The following AUTS2 variants were observed in gnomAD, a reference collection of about 807,000 sequenced individuals.
AUTS2 encodes activator of transcription and developmental regulator AUTS2, also known as autism susceptibility gene 2 protein.
A neutral mutation model predicts 112.4 loss-of-function variants in AUTS2; 17 were observed. That is an observed-to-expected ratio of 0.15 (90% CI 0.10 to 0.23). The LOEUF is 0.23. AUTS2 is among the 10% of genes least tolerant of loss of function. AUTS2 has a pLI of 1.00. For missense variants in AUTS2, 1,510 were observed against 1,701.6 expected (o/e 0.89, Z 1.98); for synonymous variants, 751 against 702.7 (o/e 1.07, Z -1.09).
chr7:70,555,749 CA>C lies in AUTS2; in HGVS notation c.690+119970del, dbSNP rs529123165. Among the ~76,000 whole-genome samples, 270 of 151,458 alleles carry C rather than the reference CA, an allele frequency of 1.8e-3. 1 individual carries two copies. The highest frequency in any genetic ancestry group is 3.0e-3 in the Non-Finnish European group (204 of 67,948). On this transcript the variant is annotated intron_variant, in intron 5 of 18. Coordinates refer to ENST00000342771, the MANE Select transcript of AUTS2 (RefSeq NM_015570.4). The stretch of plus-strand genomic sequence containing the variant: ...GAGGTTTCATTGGCTCCTGGTTCTG[CA>C]AGCCATAAAAGCATGGCACTGGTAT...
chr7:69,828,915 T>G (rs1352056575), intron 1 of AUTS2, among the ~76,000 whole-genome samples: 1 of 152,204 alleles, frequency 6.6e-6, no homozygotes, highest in Non-Finnish European at 1.5e-5. Flanking sequence ...CCTGATGAAC[T>G]TGTATTTCTT....
rs572472667 is a variant in AUTS2 at position 69,940,278 on chromosome 7, C to T, written c.522+40780C>T. 2.6e-4 allele frequency among the ~76,000 whole-genome samples: 39 copies of T among 152,210 alleles called. 1 individual carries two copies. The highest frequency in any genetic ancestry group is 4.1e-4 in the South Asian group (2 of 4,820). On this transcript the variant is annotated intron_variant, in intron 2 of 18. Coordinates refer to ENST00000342771, the MANE Select transcript of AUTS2 (RefSeq NM_015570.4). ...CAAATCCTCTGAAGTATGGTGAGTT[C>T]TGTAGGAGTCTGCAACAGGGCGAAT...
chr7:70,254,397 A>G (rs1010890453), intron 4 of AUTS2, among the ~76,000 whole-genome samples: 2 of 150,130 alleles, frequency 1.3e-5, no homozygotes, highest in Non-Finnish European at 3.0e-5. Flanking sequence ...GTATTTCATT[A>G]TTCCATAAGG....
At chr7:70,023,991 G>A (rs1026813957) in intron 2 of AUTS2, among the ~76,000 whole-genome samples, 2 of 152,156 alleles carry the variant, frequency 1.3e-5, no homozygotes, top group Admixed American at 6.5e-5. Flanking sequence ...CTCTTGACTG[G>A]CACACAGCAG....
intron 2 of AUTS2, among the ~76,000 whole-genome samples, chr7:69,917,159 A>G (rs907492765): frequency 1.3e-5 from 2 of 151,878 alleles, no homozygotes; most frequent in African/African-American, 4.8e-5. Context: ...GACTAAAGGC[A>G]TGTGCCACCA....
chr7:70,468,674 C>T (rs1392736552), intron 5 of AUTS2, among the ~76,000 whole-genome samples: 1 of 152,152 alleles, frequency 6.6e-6, no homozygotes, highest in Non-Finnish European at 1.5e-5. Flanking sequence ...CAGTGAGCAT[C>T]AGGTGCTCTA....
At chr7:70,417,447 G>A (rs1369355164) in intron 4 of AUTS2, among the ~76,000 whole-genome samples, 2 of 152,140 alleles carry the variant, frequency 1.3e-5, no homozygotes, top group Non-Finnish European at 2.9e-5. Flanking sequence ...ATTTCCAGGC[G>A]TAACCCTTTA....
chr7:70,317,584 C>T (rs1269153470), intron 4 of AUTS2, among the ~76,000 whole-genome samples: 2 of 151,960 alleles, frequency 1.3e-5, no homozygotes, highest in Non-Finnish European at 2.9e-5. Flanking sequence ...AGTGAGAGAC[C>T]CAGGACTCAA....
intron 6 of AUTS2, among the ~76,000 whole-genome samples, chr7:70,718,123 C>T (rs1442751205): frequency 1.3e-5 from 2 of 152,172 alleles, no homozygotes; most frequent in Non-Finnish European, 2.9e-5. Flanking sequence ...CTGTGCCACC[C>T]CCACCCCATC....
At chr7:70,683,130 C>A (rs1256362829) in intron 5 of AUTS2, among the ~76,000 whole-genome samples, 1 of 152,194 alleles carries the variant, frequency 6.6e-6, no homozygotes, top group Non-Finnish European at 1.5e-5. Flanking sequence ...GATGAGCAAC[C>A]ACAATGGTTA....
chr7:70,311,011 TAA>T (rs1451767945), intron 4 of AUTS2, among the ~76,000 whole-genome samples: 1 of 151,968 alleles, frequency 6.6e-6, no homozygotes, highest in Non-Finnish European at 1.5e-5. Flanking sequence ...GTCTCCAGTT[TAA>T]AAAAAAGTAA....
intron 2 of AUTS2, among the ~76,000 whole-genome samples, chr7:69,944,385 A>AC (rs1300545120): frequency 6.6e-6 from 1 of 152,122 alleles, no homozygotes; most frequent in Non-Finnish European, 1.5e-5. Context: ...GCTGGAGTAG[A>AC]CTCAGGGTCT....
chr7:70,668,939 G>A (rs1711533030), intron 5 of AUTS2, among the ~76,000 whole-genome samples: 4 of 152,124 alleles, frequency 2.6e-5, no homozygotes, highest in Admixed American at 2.6e-4. Context: ...AAAGTAATTT[G>A]GCACCTGCTC....
chr7:70,085,977 A>G (rs2129566142), intron 2 of AUTS2, among the ~76,000 whole-genome samples: 1 of 152,328 alleles, frequency 6.6e-6, no homozygotes, highest in Non-Finnish European at 1.5e-5. Context: ...TGCAAAGCCT[A>G]AAATATTTAC....
intron 2 of AUTS2, among the ~76,000 whole-genome samples, chr7:69,927,636 C>A (rs1191947804): frequency 6.6e-6 from 1 of 152,210 alleles, no homozygotes; most frequent in Non-Finnish European, 1.5e-5. Context: ...CAAGGGTGAG[C>A]CACATGCAGA....
rs138874915 is a variant in AUTS2, at chr7:70,514,537, G to A, written c.690+78756G>A. Among the ~76,000 whole-genome samples the A allele has an allele frequency of 7.2e-4, 110 of 152,340 alleles. No homozygotes were observed. The East Asian group carries it at 0.018, about 25-fold the overall frequency. On this transcript the variant is annotated intron_variant, in intron 5 of 18. Coordinates refer to ENST00000342771, the MANE Select transcript of AUTS2 (RefSeq NM_015570.4). ...GCCAGCTCCTGTGTGAACTAAGAGC[G>A]AGAACTCATTCATCACCAAGGGAAA...
At chr7:70,755,427 G>T (rs1436778624) in intron 6 of AUTS2, among the ~76,000 whole-genome samples, 1 of 152,166 alleles carries the variant, frequency 6.6e-6, no homozygotes, top group African/African-American at 2.4e-5. Context: ...CACTTTGGGA[G>T]GCCGAGGCGG....
At chr7:69,767,068 C>T (rs781271627) in intron 1 of AUTS2, among the ~76,000 whole-genome samples, 1 of 152,146 alleles carries the variant, frequency 6.6e-6, no homozygotes, top group Non-Finnish European at 1.5e-5. Flanking sequence ...CATGTGCGCA[C>T]GTTTGTACGT....
chr7:70,503,122 C>T (rs1039647889), intron 5 of AUTS2, among the ~76,000 whole-genome samples: 6 of 152,052 alleles, frequency 3.9e-5, no homozygotes, highest in Non-Finnish European at 7.4e-5. Flanking sequence ...CATAGGTGTG[C>T]CTGTGCACTG....
Sources: allele counts gnomAD v4.1 joint callset (sites outside exome capture counted in the v4.1 genomes callset), GRCh38; gene constraint gnomAD v4.1.1; transcripts MANE v1.5; gene names NCBI Gene and HGNC (gene_info 2026-07-23, HGNC 2026-07-21).